The following WDR49 variants were observed in gnomAD, a reference collection of about 807,000 sequenced individuals.
WDR49 encodes cilia- and flagella-associated protein 337.
Under a neutral mutation model 119.5 loss-of-function variants are expected in WDR49, and 107 were observed. The ratio of observed to expected loss-of-function variants is 0.90; its 90% confidence interval spans 0.77 to 1.05. The LOEUF is 1.05. Ranked by LOEUF, WDR49 falls within the 50% of genes least tolerant of loss-of-function variation. The probability of loss-of-function intolerance (pLI) is 0.00; values close to 1 mark genes in which losing one functional copy is unlikely to be tolerated. For synonymous variants in WDR49, 425 were observed against 418.8 expected (o/e 1.01, Z -0.18); for missense variants, 1,240 against 1,220.5 (o/e 1.02, Z -0.24).
intron 5 of WDR49, among the ~76,000 whole-genome samples, chr3:167,608,920 T>A (rs1197653798): frequency 6.6e-6 from 1 of 152,116 alleles, no homozygotes; most frequent in East Asian, 1.9e-4. Flanking sequence ...CACACAGTCA[T>A]AAAAAAAGAC....
intron 10 of WDR49, among the ~76,000 whole-genome samples, chr3:167,545,509 T>TATATATATATATATAATATATATATA (rs535132359): frequency 1.8e-5 from 2 of 108,302 alleles, no homozygotes; most frequent in East Asian, 2.3e-4. Flanking sequence ...ATATTATATA[T>TATATATATATATATAATATATATATA]TATATATATA....
At chr3:167,644,868 T>C (rs1032833692) in intron 2 of WDR49, among the ~76,000 whole-genome samples, 1 of 152,136 alleles carries the variant, frequency 6.6e-6, no homozygotes, top group African/African-American at 2.4e-5. Flanking sequence ...CTGATGATTA[T>C]AAAAAGAACG....
chr3:167,633,462 G>A (rs1489923951), intron 2 of WDR49: 2 of 456,154 alleles, frequency 4.4e-6, no homozygotes, highest in Admixed American at 2.4e-5. Context: ...TTTCATCCAT[G>A]TGAGTAATCC....
rs112630566 is a variant in WDR49, at chr3:167,478,941, A to T, written c.3087T>A (p.His1029Gln). 1.8e-4 allele frequency: 296 copies of T among 1,609,370 alleles called. 1 individual carries two copies. In the African/African-American group the frequency reaches 3.5e-3, roughly 19 times the overall value. ...KNLFPKEILH[H>Q]ERKAKQLCQE... is the part of the protein sequence containing the mutation. ...GGCATAATTGCTTGGCTTTTCGTTC[A>T]TGATGCAGAATTTCCTTGGGAAACA... The change falls in exon 19 of 19, where the codon CAT becomes CAA. Residue 1029 changes from histidine to glutamine, a missense_variant. His to Gln is a conservative substitution (Grantham distance 24). Transcript: ENST00000682715.
upstream of WDR49, among the ~76,000 whole-genome samples, chr3:167,657,539 C>A (rs543353215): frequency 8.8e-4 from 132 of 150,728 alleles, 1 homozygote; most frequent in African/African-American, 3.0e-3. Flanking sequence ...TCTCCTCCCC[C>A]CCCACAATTT....
At chr3:167,641,387 C>A (rs1717876004) in intron 2 of WDR49, among the ~76,000 whole-genome samples, 1 of 151,832 alleles carries the variant, frequency 6.6e-6, no homozygotes, top group Non-Finnish European at 1.5e-5. Context: ...GTGGTACTTA[C>A]AGAAAGATAA....
At chr3:167,545,824 T>A (rs748997619) in intron 10 of WDR49, among the ~76,000 whole-genome samples, 2 of 150,282 alleles carry the variant, frequency 1.3e-5, no homozygotes, top group Non-Finnish European at 3.0e-5. Flanking sequence ...AACTTTTCCT[T>A]GCAACCAAAC....
rs529208504 is a variant in WDR49 at position 167,491,026 on chromosome 3, A to G, written c.3031+9127T>C. ...ACATTACCAAGAATTAAAACCTGAC[A>G]TCCCAGATCCCTATACAGACTTTTG... On this transcript the variant is annotated intron_variant, in intron 18 of 18. Coordinates refer to ENST00000682715, the MANE Select transcript of WDR49 (RefSeq NM_001366157.1). Among the ~76,000 whole-genome samples the G allele has an allele frequency of 2.6e-5, 4 of 152,220 alleles. No individual in the cohort carries two copies. In the South Asian group the frequency reaches 6.2e-4, roughly 24 times the overall value.
At position 167,539,674 on chromosome 3, in the gene WDR49, G is replaced by A. The variant is rs188144927; in HGVS notation, c.1824-2674C>T. ...TTCAATAAATATCTGTCACATAAAT[G>A]AAGAAAAAAATTATCTGCTTAAATG... On this transcript the variant is annotated intron_variant, in intron 10 of 18. Transcript: ENST00000682715. Among the ~76,000 whole-genome samples, 320 of 152,156 alleles carry A rather than the reference G, an allele frequency of 2.1e-3. 2 individuals are homozygous for A. Among genetic ancestry groups the A allele is most frequent in the African/African-American group, 7.6e-3 (315 of 41,538 alleles).
At chr3:167,506,458 A>G (rs1240636542) in intron 16 of WDR49, among the ~76,000 whole-genome samples, 1 of 152,242 alleles carries the variant, frequency 6.6e-6, no homozygotes, top group Non-Finnish European at 1.5e-5. Context: ...AAGATTTTAA[A>G]ATATCAATAC....
chr3:167,521,821 G>T (rs1752446381), intron 16 of WDR49, among the ~76,000 whole-genome samples: 1 of 152,124 alleles, frequency 6.6e-6, no homozygotes, highest in African/African-American at 2.4e-5. Flanking sequence ...GTGATGTGAA[G>T]AGAAGAACGT....
rs75669150 is a variant in WDR49, at chr3:167,578,989, T to C, written c.1276-2838A>G. On this transcript the variant is annotated intron_variant, in intron 7 of 18. Transcript: ENST00000682715. ...GAATCCTAATTTCCCATGCTGTTCT[T>C]GTGATAGTATGTGAGTTTTTACAAG... 6.8e-3 allele frequency among the ~76,000 whole-genome samples: 1,039 copies of C among 152,264 alleles called. 54 individuals are homozygous for C. The East Asian group carries it at 0.13, about 20-fold the overall frequency.
Position 167,532,939 on chromosome 3 carries a change from T to C in WDR49, c.1993A>G (p.Thr665Ala). The change falls in exon 12 of 19, where the codon ACA (threonine) becomes GCA (alanine). Residue 665 changes from threonine (T) to alanine (A), a missense_variant. Thr to Ala is a moderately conservative substitution (Grantham distance 58, BLOSUM62 0). Transcript: ENST00000682715. ...TGAAGAACATGGTGAGCATTCTCTGTGCTATTGTTCCATAGAACAATTTCT... is the reference window on the plus strand; with the variant it reads ...TGAAGAACATGGTGAGCATTCTCTGCGCTATTGTTCCATAGAACAATTTCT... ...DGEIVLWNNS[T>A]ENAHHVLHPD... 6.2e-7 allele frequency: 1 copy of C among 1,609,884 alleles called. No individual in the cohort carries two copies. Among genetic ancestry groups the C allele is most frequent in the South Asian group, 1.1e-5 (1 of 90,654 alleles).
chr3:167,540,231 C>T (rs752004339), intron 10 of WDR49, among the ~76,000 whole-genome samples: 1 of 152,166 alleles, frequency 6.6e-6, no homozygotes, highest in Non-Finnish European at 1.5e-5. Flanking sequence ...GCATAATGAG[C>T]ATTCAAGAAA....
intron 10 of WDR49, among the ~76,000 whole-genome samples, chr3:167,551,236 GC>G (rs1280978161): frequency 6.6e-6 from 1 of 151,962 alleles, no homozygotes; most frequent in Non-Finnish European, 1.5e-5. Context: ...ACAAGTGGAT[GC>G]CCTTGAAACA....
chr3:167,556,243 G>A (rs144501046), intron 9 of WDR49, among the ~76,000 whole-genome samples: 10 of 152,286 alleles, frequency 6.6e-5, no homozygotes, highest in African/African-American at 2.4e-4. Flanking sequence ...TTGACATCCT[G>A]AAGTTTTCAC....
intron 18 of WDR49, among the ~76,000 whole-genome samples, chr3:167,481,899 T>C (rs1560242328): frequency 6.6e-6 from 1 of 152,140 alleles, no homozygotes; most frequent in Non-Finnish European, 1.5e-5. Flanking sequence ...ACAATTCAAA[T>C]TGAGATTTGA....
At chr3:167,514,598 C>G (rs1215875502) in intron 16 of WDR49, among the ~76,000 whole-genome samples, 1 of 148,684 alleles carries the variant, frequency 6.7e-6, no homozygotes, top group South Asian at 2.1e-4. Context: ...AAGAAATAAC[C>G]AAGGTCAGAG....
At chr3:167,595,287 T>C (rs1259804299) in intron 7 of WDR49, among the ~76,000 whole-genome samples, 1 of 152,142 alleles carries the variant, frequency 6.6e-6, no homozygotes, top group Non-Finnish European at 1.5e-5. Context: ...AAAATGGCCA[T>C]ACTGCCCAAG....
Sources: allele counts gnomAD v4.1 joint callset (sites outside exome capture counted in the v4.1 genomes callset), GRCh38; gene constraint gnomAD v4.1.1; transcripts MANE v1.5; gene names NCBI Gene and HGNC (gene_info 2026-07-23, HGNC 2026-07-21).